Variants in NTRK2 observed in about 807,000 individuals in gnomAD.
NTRK2 encodes the protein neurotrophic receptor tyrosine kinase 2.
A neutral mutation model predicts 94.5 loss-of-function variants in NTRK2; 13 were observed. The ratio of observed to expected loss-of-function variants is 0.14; its 90% CI spans 0.09 to 0.22. The LOEUF (loss-of-function observed/expected upper bound fraction) is 0.22. Ranked by LOEUF, NTRK2 falls within the 10% of genes least tolerant of loss-of-function variation. The probability of loss-of-function intolerance (pLI) is 1.00; values close to 1 mark genes in which losing one functional copy is unlikely to be tolerated. For missense variants in NTRK2, 639 were observed against 1,071.2 expected (o/e 0.60, Z 5.63); for synonymous variants, 372 against 407.4 (o/e 0.91, Z 1.05).
At position 85,022,599 on chromosome 9, in the gene NTRK2, C is replaced by T. The variant is rs1307243059; in HGVS notation, c.*1162C>T. On this transcript the variant is annotated 3_prime_UTR_variant, in exon 19 of 19. Transcript: ENST00000277120. ...CTCCGACCCCTAACTTCCATGCCCA[C>T]CCGTCCTTTTAACTGTGCAAGCAAA... The T allele has an allele frequency of 8.6e-6, 2 of 233,126 alleles. No homozygotes were observed. Among genetic ancestry groups the T allele is most frequent in the Non-Finnish European group, 1.7e-5 (2 of 118,044 alleles). The allele number at this position is 233,126 out of a possible 1,614,324, so 14.4% of individuals were successfully genotyped here. A position where few individuals can be genotyped will look rare whatever the true frequency, so the allele number is the denominator to read the frequency against.
intron 12 of NTRK2, among the ~76,000 whole-genome samples, chr9:84,765,164 T>C (rs1387026825): frequency 6.6e-6 from 1 of 152,158 alleles, no homozygotes; most frequent in Non-Finnish European, 1.5e-5. Flanking sequence ...GTGACTATAG[T>C]CAATAATAAT....
At chr9:84,783,540 G>C (rs1291281055) in intron 12 of NTRK2, among the ~76,000 whole-genome samples, 2 of 152,154 alleles carry the variant, frequency 1.3e-5, no homozygotes, top group African/African-American at 2.4e-5. Context: ...CACTTTGGAG[G>C]GAAAATGTGA....
At chr9:84,766,673 C>G (rs555751535) in intron 12 of NTRK2, among the ~76,000 whole-genome samples, 1 of 151,916 alleles carries the variant, frequency 6.6e-6, no homozygotes, top group Admixed American at 6.6e-5. Context: ...ACTCAACACA[C>G]AAACACACAC....
At chr9:84,837,377 C>T (rs1273139247) in intron 12 of NTRK2, among the ~76,000 whole-genome samples, 2 of 152,176 alleles carry the variant, frequency 1.3e-5, no homozygotes, top group Non-Finnish European at 2.9e-5. Flanking sequence ...AATTCTGCCG[C>T]TCACTGGCCA....
chr9:84,698,770 A>G (rs2060543799), intron 2 of NTRK2, among the ~76,000 whole-genome samples: 1 of 152,190 alleles, frequency 6.6e-6, no homozygotes, highest in Admixed American at 6.5e-5. Flanking sequence ...ATTTTAATTT[A>G]CATTTCACAT....
At chr9:84,719,610 G>C (rs182531956) in intron 6 of NTRK2, among the ~76,000 whole-genome samples, 114 of 152,202 alleles carry the variant, frequency 7.5e-4, no homozygotes, top group Admixed American at 2.0e-3. Context: ...GTGTCTTTAG[G>C]CTTCATCAGT....
chr9:84,823,205 GA>G lies in NTRK2; in HGVS notation c.1397-37832del, dbSNP rs561587343. Reference sequence around the variant, plus strand: ...TTTATGGCAACATAAAACAACATCTGAAACTAAGACCTGTTTTTGTTTTTCT... The same window carrying G: ...TTTATGGCAACATAAAACAACATCTGAACTAAGACCTGTTTTTGTTTTTCT... On this transcript the variant is annotated intron_variant, in intron 12 of 18. Transcript: ENST00000277120. Among the ~76,000 whole-genome samples the G allele has an allele frequency of 5.9e-3, 893 of 152,242 alleles. 11 individuals are homozygous for G. The highest frequency in any genetic ancestry group is 0.02 in the African/African-American group (849 of 41,546).
At chr9:84,964,245 A>G (rs1189586303) in intron 17 of NTRK2, among the ~76,000 whole-genome samples, 3 of 152,092 alleles carry the variant, frequency 2.0e-5, no homozygotes, top group Non-Finnish European at 2.9e-5. Context: ...GAACAGTTTG[A>G]TCCTTTTGTG....
chr9:84,863,085 C>A (rs1291587889), intron 13 of NTRK2, among the ~76,000 whole-genome samples: 8 of 152,090 alleles, frequency 5.3e-5, no homozygotes, highest in Non-Finnish European at 2.9e-5. Context: ...CCAGGATTAG[C>A]ACGGCCCCAG....
At chr9:84,762,644 G>C (rs2065684703) in intron 12 of NTRK2, among the ~76,000 whole-genome samples, 1 of 152,146 alleles carries the variant, frequency 6.6e-6, no homozygotes, top group Admixed American at 6.5e-5. Context: ...TTGAGAATGA[G>C]CAGACACCTA....
intron 2 of NTRK2, among the ~76,000 whole-genome samples, chr9:84,673,591 G>A (rs1287477865): frequency 2.0e-5 from 3 of 152,032 alleles, no homozygotes; most frequent in Non-Finnish European, 4.4e-5. Flanking sequence ...GTATCTTTTA[G>A]CATCTATATA....
chr9:84,670,241 G>A (rs986131684), intron 1 of NTRK2, 136 bp from the exon 2 acceptor site: 3 of 241,176 alleles, frequency 1.2e-5, no homozygotes, highest in Admixed American at 5.2e-5. Context: ...TTCCTGGGCC[G>A]GAGCTGGGCA....
At chr9:84,968,096 G>A (rs563242615) in intron 17 of NTRK2, among the ~76,000 whole-genome samples, 2 of 152,300 alleles carry the variant, frequency 1.3e-5, no homozygotes, top group South Asian at 2.1e-4. Context: ...AGCTTGGCAT[G>A]TAACCCTCTC....
intron 14 of NTRK2, among the ~76,000 whole-genome samples, chr9:84,916,512 G>C (rs1319301138): frequency 1.3e-5 from 2 of 152,120 alleles, no homozygotes; most frequent in East Asian, 3.9e-4. Context: ...CAATCAATAG[G>C]TGGAGACACG....
intron 12 of NTRK2, among the ~76,000 whole-genome samples, chr9:84,793,935 A>C (rs2068997962): frequency 6.6e-6 from 1 of 152,256 alleles, no homozygotes; most frequent in African/African-American, 2.4e-5. Flanking sequence ...TATCGAAGGC[A>C]GAACTGGAAA....
At chr9:84,698,974 A>T (rs2060555131) in intron 2 of NTRK2, among the ~76,000 whole-genome samples, 1 of 151,934 alleles carries the variant, frequency 6.6e-6, no homozygotes, top group Non-Finnish European at 1.5e-5. Context: ...TGTGGACATG[A>T]CTACACGTAG....
At chr9:84,725,068 C>T (rs919556665) in intron 8 of NTRK2, among the ~76,000 whole-genome samples, 4 of 152,072 alleles carry the variant, frequency 2.6e-5, no homozygotes, top group South Asian at 4.1e-4. Context: ...AGACACTTCA[C>T]GTCATTGTAA....
At chr9:84,796,874 T>C (rs1208302341) in intron 12 of NTRK2, among the ~76,000 whole-genome samples, 2 of 152,198 alleles carry the variant, frequency 1.3e-5, no homozygotes, top group African/African-American at 4.8e-5. Flanking sequence ...AATTATTTTT[T>C]TCTTTTGGGT....
At chr9:84,786,321 T>A (rs1176113356) in intron 12 of NTRK2, among the ~76,000 whole-genome samples, 1 of 152,184 alleles carries the variant, frequency 6.6e-6, no homozygotes, top group African/African-American at 2.4e-5. Flanking sequence ...AACAACCTCA[T>A]GAGTTAAACA....
Sources: allele counts gnomAD v4.1 joint callset (sites outside exome capture counted in the v4.1 genomes callset), GRCh38; gene constraint gnomAD v4.1.1; transcripts MANE v1.5; gene names NCBI Gene and HGNC (gene_info 2026-07-23, HGNC 2026-07-21).